Variants in PPARGC1A observed in about 807,000 individuals in gnomAD.
PPARGC1A encodes the protein PPARG coactivator 1 alpha.
A neutral mutation model predicts 88.7 loss-of-function variants in PPARGC1A; 25 were observed. That is an observed-to-expected ratio of 0.28 (90% CI 0.21 to 0.39). The LOEUF (loss-of-function observed/expected upper bound fraction) is 0.39, where lower values mean the gene tolerates loss of function less well. Ranked by LOEUF, PPARGC1A falls within the 10% of genes least tolerant of loss-of-function variation. The probability of loss-of-function intolerance (pLI) is 1.00; values close to 1 mark genes in which losing one functional copy is unlikely to be tolerated. For synonymous variants in PPARGC1A, 363 were observed against 355.6 expected (o/e 1.02, Z -0.24); for missense variants, 880 against 968.7 (o/e 0.91, Z 1.22).
chr4:23,824,562 C>A (rs1323726934), intron 5 of PPARGC1A, 54 bp from the exon 6 acceptor site: 3 of 1,432,516 alleles, frequency 2.1e-6, no homozygotes, highest in African/African-American at 2.9e-5. Flanking sequence ...TTTTAGATTT[C>A]TTTTCTCTCC....
intron 1 of PPARGC1A, among the ~76,000 whole-genome samples, chr4:23,887,154 T>A (rs1717054232): frequency 1.3e-5 from 2 of 152,358 alleles, no homozygotes; most frequent in Non-Finnish European, 1.5e-5. Context: ...ATTGGTGCTA[T>A]CTTGTCATTT....
At chr4:24,429,427 G>A in the PPARGC1A span, among the ~76,000 whole-genome samples, 2 of 152,124 alleles carry the variant, frequency 1.3e-5, no homozygotes, top group Non-Finnish European at 2.9e-5. Flanking sequence ...CATATTAGCA[G>A]GTGAATCACA....
At chr4:23,886,082 G>T (rs111898513) in intron 1 of PPARGC1A, among the ~76,000 whole-genome samples, 4,771 of 152,214 alleles carry the variant, frequency 0.031, 111 homozygotes, top group Non-Finnish European at 0.049. Context: ...TCCTATTGCA[G>T]GGGTCTGGCA....
At chr4:24,294,975 G>A in the PPARGC1A span, among the ~76,000 whole-genome samples, 3 of 152,142 alleles carry the variant, frequency 2.0e-5, no homozygotes, top group African/African-American at 7.2e-5. Flanking sequence ...CAAGCCCATG[G>A]GGGGACTAGT....
At chr4:23,803,115 A>G (rs902818659) in intron 10 of PPARGC1A, among the ~76,000 whole-genome samples, 20 of 152,164 alleles carry the variant, frequency 1.3e-4, no homozygotes, top group Non-Finnish European at 1.6e-4. Flanking sequence ...ACAAACTCTG[A>G]CGTCCTCAAA....
At chr4:24,088,944 T>C in the PPARGC1A span, among the ~76,000 whole-genome samples, 417 of 152,334 alleles carry the variant, frequency 2.7e-3, 5 homozygotes, top group East Asian at 0.051. Flanking sequence ...CCTTGCTATT[T>C]ACATCTGTAA....
At chr4:24,100,276 T>C in the PPARGC1A span, among the ~76,000 whole-genome samples, 1 of 152,180 alleles carries the variant, frequency 6.6e-6, no homozygotes, top group Admixed American at 6.5e-5. Flanking sequence ...TTTCTTTATT[T>C]TTAACCTAGA....
At chr4:24,033,041 C>CTAGCAATGG in the PPARGC1A span, among the ~76,000 whole-genome samples, 4 of 152,088 alleles carry the variant, frequency 2.6e-5, no homozygotes, top group African/African-American at 9.7e-5. Flanking sequence ...TAGAATTGTC[C>CTAGCAATGG]TAGCAATGGT....
the PPARGC1A span, among the ~76,000 whole-genome samples, chr4:24,354,751 G>T: frequency 6.6e-6 from 1 of 152,074 alleles, no homozygotes; most frequent in East Asian, 1.9e-4. Flanking sequence ...GCCGGGCATG[G>T]TGGCAGGCGC....
chr4:24,057,755 T>G, the PPARGC1A span, among the ~76,000 whole-genome samples: 122 of 152,302 alleles, frequency 8.0e-4, no homozygotes, highest in Non-Finnish European at 6.8e-4. Flanking sequence ...TCACTTCTTT[T>G]GCAGTGAGAT....
chr4:24,084,151 C>T, the PPARGC1A span, among the ~76,000 whole-genome samples: 22 of 152,188 alleles, frequency 1.4e-4, no homozygotes, highest in African/African-American at 2.9e-4. Context: ...AGGCTTGGCT[C>T]AGAGGTCCAG....
the PPARGC1A span, among the ~76,000 whole-genome samples, chr4:24,361,483 A>G: frequency 4.3e-4 from 66 of 152,184 alleles, no homozygotes; most frequent in African/African-American, 1.5e-3. Context: ...CACTCTCTCT[A>G]TCCTTCTGTT....
chr4:24,115,485 G>A, the PPARGC1A span, among the ~76,000 whole-genome samples: 1 of 152,222 alleles, frequency 6.6e-6, no homozygotes, highest in African/African-American at 2.4e-5. Context: ...CACGTGATAT[G>A]CAAAAACAGA....
the PPARGC1A span, among the ~76,000 whole-genome samples, chr4:24,422,250 T>C: frequency 1.3e-5 from 2 of 152,220 alleles, no homozygotes; most frequent in African/African-American, 4.8e-5. Context: ...ATGAAGCCTA[T>C]AATATTAACC....
chr4:24,232,838 T>C, the PPARGC1A span, among the ~76,000 whole-genome samples: 17 of 152,300 alleles, frequency 1.1e-4, no homozygotes, highest in East Asian at 3.3e-3. Context: ...ATAATTCTAT[T>C]TAGAAGTAGT....
the PPARGC1A span, among the ~76,000 whole-genome samples, chr4:24,167,057 C>T: frequency 1.3e-5 from 2 of 152,122 alleles, no homozygotes; most frequent in Non-Finnish European, 2.9e-5. Context: ...AAATTGAAAA[C>T]CTTCTGCAAA....
chr4:24,136,724 G>T, the PPARGC1A span, among the ~76,000 whole-genome samples: 1 of 152,302 alleles, frequency 6.6e-6, no homozygotes. Context: ...GGGCTGTCAT[G>T]AACTGAACTG....
chr4:24,430,321 C>T, the PPARGC1A span, among the ~76,000 whole-genome samples: 9 of 142,592 alleles, frequency 6.3e-5, no homozygotes, highest in South Asian at 2.2e-4. Context: ...TGCAGTGGCG[C>T]GATCTCAGCT....
At chr4:24,333,934 CAACAACAAAAAAAAAA>C in the PPARGC1A span, among the ~76,000 whole-genome samples, 16 of 14,162 alleles carry the variant, frequency 1.1e-3, 1 homozygote, top group Admixed American at 5.7e-3. Flanking sequence ...ACTCCAACAA[CAACAACAAAAAAAAAA>C]AAAAAAAAAA....
Sources: allele counts gnomAD v4.1 joint callset (sites outside exome capture counted in the v4.1 genomes callset), GRCh38; gene constraint gnomAD v4.1.1; transcripts MANE v1.5; gene names NCBI Gene and HGNC (gene_info 2026-07-23, HGNC 2026-07-21).